The following DAB1 variants were observed in gnomAD, a reference collection of about 807,000 sequenced individuals.
The protein encoded by DAB1 is DAB adaptor protein 1, also known as disabled homolog 1.
In DAB1, 15 loss-of-function variants were observed where a neutral mutation model predicts 64.6. The ratio of observed to expected loss-of-function variants is 0.23; its 90% CI spans 0.16 to 0.36. The LOEUF (loss-of-function observed/expected upper bound fraction) is 0.36. Ranked by LOEUF, DAB1 falls within the 10% of genes least tolerant of loss-of-function variation. DAB1 has a pLI of 1.00. For synonymous variants in DAB1, 235 were observed against 251.9 expected, an observed-to-expected ratio of 0.93 and a Z score of 0.64; for missense variants, 596 against 706.7, an observed-to-expected ratio of 0.84 and a Z score of 1.78.
At chr1:57,747,204 C>T (rs1257841652) in intron 6 of DAB1, among the ~76,000 whole-genome samples, 1 of 152,144 alleles carries the variant, frequency 6.6e-6, no homozygotes, top group African/African-American at 2.4e-5. Flanking sequence ...AAGTTCTAAA[C>T]CATACATATT....
At chr1:58,193,386 G>GCC (rs942802419) in intron 4 of DAB1, among the ~76,000 whole-genome samples, 12 of 152,274 alleles carry the variant, frequency 7.9e-5, no homozygotes, top group African/African-American at 2.6e-4. Context: ...AGCACCCTGA[G>GCC]CCAAATAAAC....
intron 4 of DAB1, among the ~76,000 whole-genome samples, chr1:58,296,831 C>T (rs977053204): frequency 1.3e-5 from 2 of 152,150 alleles, no homozygotes; most frequent in African/African-American, 4.8e-5. Flanking sequence ...GCTATGTTTA[C>T]CTTGGGCAAA....
intron 9 of DAB1, among the ~76,000 whole-genome samples, chr1:57,044,809 G>C (rs1648256600): frequency 1.3e-5 from 2 of 152,152 alleles, no homozygotes; most frequent in Non-Finnish European, 2.9e-5. Context: ...GGAAGGAATG[G>C]GTCACAGGGT....
intron 4 of DAB1, among the ~76,000 whole-genome samples, chr1:58,275,548 T>A (rs78311963): frequency 0.024 from 3,655 of 152,204 alleles, 171 homozygotes; most frequent in African/African-American, 0.084. Flanking sequence ...AAATGTCTAA[T>A]AAAAATATGT....
At chr1:58,027,050 TTAGA>T (rs1646905186) in intron 5 of DAB1, among the ~76,000 whole-genome samples, 1 of 152,196 alleles carries the variant, frequency 6.6e-6, no homozygotes, top group African/African-American at 2.4e-5. Context: ...TTAAATACCA[TTAGA>T]TAAAAACCAC....
intron 3 of DAB1, among the ~76,000 whole-genome samples, chr1:58,378,998 T>C (rs1458751818): frequency 5.4e-5 from 8 of 148,152 alleles, no homozygotes; most frequent in African/African-American, 1.0e-4. Flanking sequence ...CCTGACCCCT[T>C]GCGCTTCCCA....
At chr1:57,913,910 A>T (rs1430831798) in intron 5 of DAB1, among the ~76,000 whole-genome samples, 1 of 152,210 alleles carries the variant, frequency 6.6e-6, no homozygotes, top group African/African-American at 2.4e-5. Flanking sequence ...ATCTCATGCC[A>T]GTTAGAATGG....
intron 7 of DAB1, among the ~76,000 whole-genome samples, chr1:57,626,049 C>A (rs574430326): frequency 1.2e-4 from 18 of 151,912 alleles, no homozygotes; most frequent in Non-Finnish European, 1.9e-4. Flanking sequence ...TGGAATGGAT[C>A]ATTTAGATTT....
chr1:57,737,032 C>T (rs1232982108), intron 6 of DAB1, among the ~76,000 whole-genome samples: 1 of 152,120 alleles, frequency 6.6e-6, no homozygotes, highest in African/African-American at 2.4e-5. Context: ...AAATGGGAGG[C>T]GGGTTTTCCG....
intron 9 of DAB1, 119 bp downstream of exon 9, chr1:57,062,765 A>G: frequency 4.9e-6 from 4 of 814,568 alleles, no homozygotes; most frequent in Non-Finnish European, 8.1e-6. Flanking sequence ...AGTCCCCAGC[A>G]GAAACATGTG....
intron 7 of DAB1, among the ~76,000 whole-genome samples, chr1:57,520,401 C>A (rs1022173456): frequency 6.6e-6 from 1 of 152,052 alleles, no homozygotes; most frequent in Non-Finnish European, 1.5e-5. Context: ...AGGGTTAAGA[C>A]GTTTCTTTTC....
chr1:57,226,672 A>AATATATATATATATATATATATAT (rs61660460), intron 2 of DAB1, among the ~76,000 whole-genome samples: 10 of 135,990 alleles, frequency 7.4e-5, no homozygotes, highest in African/African-American at 2.8e-4. Flanking sequence ...TTAAAAAAAA[A>AATATATATATATATATATATATAT]ATATATATAT....
chr1:57,330,926 T>A (rs1676610599), intron 1 of DAB1, among the ~76,000 whole-genome samples: 1 of 152,110 alleles, frequency 6.6e-6, no homozygotes, highest in South Asian at 2.1e-4. Flanking sequence ...AACTGTCTCA[T>A]CTCTGTAGAG....
Position 58,251,058 on chromosome 1 carries a change from G to T in DAB1, n.309+92294C>A, listed in dbSNP as rs139080011. 5.2e-3 allele frequency among the ~76,000 whole-genome samples: 795 copies of T among 152,282 alleles called. 7 individuals are homozygous for T. Among genetic ancestry groups the T allele is most frequent in the African/African-American group, 0.018 (751 of 41,552 alleles). ...GGTCTTATCAAACGACCAAATGATT[G>T]AGCTTCCATTTCTTCATCTACAAAA... On this transcript the variant is annotated intron_variant and non_coding_transcript_variant, in intron 4 of 20. Coordinates refer to the DAB1 transcript ENST00000485760.
At chr1:58,285,038 T>C (rs1406087752) in intron 4 of DAB1, among the ~76,000 whole-genome samples, 1 of 152,132 alleles carries the variant, frequency 6.6e-6, no homozygotes, top group Non-Finnish European at 1.5e-5. Context: ...TAACAAACCA[T>C]GTGAAACATA....
At chr1:57,201,673 C>T (rs1665108330) in intron 2 of DAB1, among the ~76,000 whole-genome samples, 1 of 152,138 alleles carries the variant, frequency 6.6e-6, no homozygotes. Flanking sequence ...CAAGGAGCTT[C>T]CGTTCTAGTG....
At chr1:57,513,670 C>T (rs193025292) in intron 7 of DAB1, among the ~76,000 whole-genome samples, 6 of 152,284 alleles carry the variant, frequency 3.9e-5, no homozygotes, top group Admixed American at 2.0e-4. Flanking sequence ...GGCATAACCT[C>T]ACATACTTAT....
intron 5 of DAB1, among the ~76,000 whole-genome samples, chr1:57,976,189 T>C (rs1320769931): frequency 1.3e-5 from 2 of 152,176 alleles, no homozygotes; most frequent in Non-Finnish European, 2.9e-5. Flanking sequence ...TTCCCTGGAT[T>C]GCACTCTGAA....
chr1:57,615,738 C>T (rs1338401944), intron 7 of DAB1, among the ~76,000 whole-genome samples: 1 of 152,098 alleles, frequency 6.6e-6, no homozygotes, highest in East Asian at 1.9e-4. Flanking sequence ...GATTTAAAAA[C>T]AGTCTCCAAG....
Sources: allele counts gnomAD v4.1 joint callset (sites outside exome capture counted in the v4.1 genomes callset), GRCh38; gene constraint gnomAD v4.1.1; transcripts MANE v1.5; gene names NCBI Gene and HGNC (gene_info 2026-07-23, HGNC 2026-07-21).